PDK3: variants seen among roughly 807,000 people sequenced by gnomAD.
PDK3 encodes the protein pyruvate dehydrogenase kinase, isozyme 3.
A neutral mutation model predicts 32.0 loss-of-function variants in PDK3; 12 were observed. The ratio of observed to expected loss-of-function variants is 0.37; its 90% CI spans 0.24 to 0.61. The LOEUF is 0.61. Among genes scored for constraint, PDK3 ranks in the 20% least tolerant of loss-of-function variants. The pLI, the probability that PDK3 is intolerant of heterozygous loss-of-function variation, is 0.65. For missense variants in PDK3, 188 were observed against 316.9 expected, an observed-to-expected ratio of 0.59 and a Z score of 3.09; for synonymous variants, 122 against 116.3, an observed-to-expected ratio of 1.05 and a Z score of -0.31.
At chrX:24,530,208 G>C (rs1922618539) in intron 9 of PDK3, among the ~76,000 whole-genome samples, 1 of 111,259 alleles carries the variant, frequency 9.0e-6, no homozygotes, top group African/African-American at 3.3e-5. Context: ...TTCACTACTG[G>C]CCATATTCAG....
chrX:24,498,409 G>A (rs950442148), intron 2 of PDK3, among the ~76,000 whole-genome samples: 1 of 111,527 alleles, frequency 9.0e-6, no homozygotes, highest in Non-Finnish European at 1.9e-5. Context: ...AGCTGCAGCA[G>A]TTCCAGGCTT....
At chrX:24,480,778 T>C (rs1488445477) in intron 1 of PDK3, among the ~76,000 whole-genome samples, 1 of 112,403 alleles carries the variant, frequency 8.9e-6, no homozygotes, top group Non-Finnish European at 1.9e-5. Context: ...GGCATATTCA[T>C]TGCCTTTGAG....
chrX:24,484,397 A>T (rs1200954342), intron 1 of PDK3, among the ~76,000 whole-genome samples: 2 of 112,657 alleles, frequency 1.8e-5, no homozygotes, highest in Non-Finnish European at 3.7e-5. Context: ...CAGGACATAG[A>T]ACTCATAGAA....
intron 9 of PDK3, among the ~76,000 whole-genome samples, chrX:24,531,049 T>TTGTGTGTGTG (rs760426568): frequency 9.2e-4 from 90 of 98,169 alleles, no homozygotes; most frequent in Middle Eastern, 5.4e-3. Flanking sequence ...GAATGTGCTT[T>TTGTGTGTGTG]TGTGTGTGTG....
chrX:24,486,719 C>T (rs1921411046), intron 1 of PDK3, among the ~76,000 whole-genome samples: 1 of 111,323 alleles, frequency 9.0e-6, no homozygotes, highest in African/African-American at 3.3e-5. Context: ...GCAGCCTCGA[C>T]CTCCTGGCTC....
At chrX:24,505,342 A>G in intron 5 of PDK3, 44 bp downstream of exon 5, 2 of 985,747 alleles carry the variant, frequency 2.0e-6, no homozygotes, top group African/African-American at 1.9e-5. Context: ...TTCAAATTGG[A>G]TTGTGGTTTA....
chrX:24,520,156 G>C (rs1462505538), intron 6 of PDK3, among the ~76,000 whole-genome samples: 1 of 111,921 alleles, frequency 8.9e-6, no homozygotes, highest in Non-Finnish European at 1.9e-5. Context: ...TAGTGCCACT[G>C]CACTCCACCC....
rs574335967 is a variant in PDK3, at chrX:24,489,202, C to G, written c.107-5540C>G. Among the ~76,000 whole-genome samples the G allele has an allele frequency of 1.8e-4, 20 of 111,866 alleles. No homozygotes were observed. The South Asian group carries it at 7.0e-3, about 39-fold the overall frequency. The stretch of plus-strand genomic sequence containing the variant: ...ATACTTTCAATGTACGTGAAGAAAG[C>G]ACAGAAAGGTTATAAAAATCAGGCA... On this transcript the variant is annotated intron_variant, in intron 1 of 10. Coordinates refer to ENST00000379162, the MANE Select transcript of PDK3 (RefSeq NM_005391.5).
intron 6 of PDK3, among the ~76,000 whole-genome samples, chrX:24,522,653 C>T (rs1435624075): frequency 9.0e-6 from 1 of 111,176 alleles, no homozygotes; most frequent in Non-Finnish European, 1.9e-5. Flanking sequence ...CACCTGTAAT[C>T]CCAGCACTTT....
At chrX:24,504,424 T>TTA (rs1921932450) in intron 4 of PDK3, among the ~76,000 whole-genome samples, 1 of 112,260 alleles carries the variant, frequency 8.9e-6, no homozygotes, top group Admixed American at 9.5e-5. Context: ...AGATCATTAG[T>TTA]TAGGCCTACA....
intron 1 of PDK3, among the ~76,000 whole-genome samples, chrX:24,483,507 G>A (rs1261867494): frequency 8.9e-6 from 1 of 111,847 alleles, no homozygotes; most frequent in South Asian, 3.7e-4. Flanking sequence ...TACTGCCACT[G>A]TATTGTCTTC....
At chrX:24,465,660 G>A in intron 1 of PDK3, 99 bp downstream of exon 1, 4 of 632,063 alleles carry the variant, frequency 6.3e-6, no homozygotes, top group Non-Finnish European at 7.4e-6. Flanking sequence ...TGTGGGAACC[G>A]CAGGCGGGGC....
chrX:24,546,121 G>A (rs1212401892), exon 12 of PDK3: 4 of 111,805 alleles, frequency 3.6e-5, no homozygotes, highest in African/African-American at 1.3e-4. Context: ...CCCTGTCGAG[G>A]TCCCCACACT....
At chrX:24,469,460 A>T (rs1920971645) in intron 1 of PDK3, among the ~76,000 whole-genome samples, 1 of 109,768 alleles carries the variant, frequency 9.1e-6, no homozygotes, top group African/African-American at 3.3e-5. Context: ...TTGAGTAAAG[A>T]TGTCTTTATT....
chrX:24,498,524 G>A (rs1262811014), intron 2 of PDK3, among the ~76,000 whole-genome samples: 1 of 112,222 alleles, frequency 8.9e-6, no homozygotes, highest in African/African-American at 3.2e-5. Context: ...GAGACAGTAT[G>A]TCCATTCCTG....
chrX:24,547,719 CAAAG>C (rs1386724302), exon 12 of PDK3: 3 of 112,386 alleles, frequency 2.7e-5, no homozygotes, highest in Non-Finnish European at 5.6e-5. Context: ...TTTCCAAAAG[CAAAG>C]AATTACAATT....
At chrX:24,484,879 T>C (rs1921360456) in intron 1 of PDK3, among the ~76,000 whole-genome samples, 1 of 111,056 alleles carries the variant, frequency 9.0e-6, no homozygotes, top group African/African-American at 3.3e-5. Flanking sequence ...ATACACATGC[T>C]TTATGCTTTT....
Position 24,527,561 on chromosome X carries a change from CTTA to C in PDK3, c.751-7_751-5del. On this transcript the variant is annotated splice_polypyrimidine_tract_variant and intron_variant, in intron 7 of 10. Transcript: ENST00000379162. ...TCGGCAGTATGATTAATAAAAAGAT[CTTA>C]TTATTTTAGAACTCAATGAGAGCGA... 3 of 1,008,306 alleles carry C rather than the reference CTTA, an allele frequency of 3.0e-6. No individual in the cohort carries two copies. The highest frequency in any genetic ancestry group is 4.1e-6 in the Non-Finnish European group (3 of 734,742). 83.1% of individuals were successfully genotyped at this position (1,008,306 alleles called of 1,213,427 possible). A position where few individuals can be genotyped will look rare whatever the true frequency, so the allele number is the denominator to read the frequency against.
At chrX:24,522,095 TC>T (rs1922412172) in intron 6 of PDK3, among the ~76,000 whole-genome samples, 2 of 112,157 alleles carry the variant, frequency 1.8e-5, no homozygotes, top group Admixed American at 1.9e-4. Flanking sequence ...TAATGGTATT[TC>T]TTAAATGCTG....
Sources: gnomAD v4.1 joint callset for allele counts (sites outside exome capture counted in the v4.1 genomes callset) on GRCh38, gnomAD v4.1.1 for gene constraint, MANE v1.5 for transcripts, NCBI Gene and HGNC (gene_info 2026-07-23, HGNC 2026-07-21) for gene names.